The following PRKN variants were observed in gnomAD, a reference collection of about 807,000 sequenced individuals.
The protein encoded by PRKN is parkin RBR E3 ubiquitin protein ligase.
Under a neutral mutation model 59.5 loss-of-function variants are expected in PRKN, and 56 were observed. The observed-to-expected ratio is 0.94, with a 90% confidence interval of 0.76 to 1.18. The LOEUF (loss-of-function observed/expected upper bound fraction) is 1.18, where lower values mean the gene tolerates loss of function less well. Among genes scored for constraint, PRKN ranks in the 50% most tolerant of loss-of-function variants. PRKN has a pLI of 0.00. For missense variants in PRKN, 657 were observed against 596.4 expected, an observed-to-expected ratio of 1.10 and a Z score of -1.06; for synonymous variants, 250 against 222.1, an observed-to-expected ratio of 1.13 and a Z score of -1.12.
chr6:161,968,300 A>T (rs747082664), intron 6 of PRKN, among the ~76,000 whole-genome samples: 12 of 151,426 alleles, frequency 7.9e-5, no homozygotes, highest in Admixed American at 5.3e-4. Flanking sequence ...CAGCCTCCCA[A>T]AGTGCTGGGA....
intron 1 of PRKN, among the ~76,000 whole-genome samples, chr6:162,719,811 T>C (rs1480843761): frequency 6.6e-6 from 1 of 151,762 alleles, no homozygotes; most frequent in Non-Finnish European, 1.5e-5. Context: ...GAATGAAATA[T>C]TAAATTCCAG....
chr6:161,972,153 A>G (rs889569857), intron 6 of PRKN, among the ~76,000 whole-genome samples: 3 of 151,914 alleles, frequency 2.0e-5, no homozygotes, highest in African/African-American at 7.3e-5. Flanking sequence ...GCATGCCTGT[A>G]ATCCCAGCTA....
intron 8 of PRKN, among the ~76,000 whole-genome samples, chr6:161,559,569 TC>T (rs778914614): frequency 6.6e-6 from 1 of 152,136 alleles, no homozygotes; most frequent in Non-Finnish European, 1.5e-5. Flanking sequence ...GGGGCACAGG[TC>T]ACTGCCACCA....
At chr6:161,801,182 C>T (rs1791061999) in intron 6 of PRKN, among the ~76,000 whole-genome samples, 2 of 152,192 alleles carry the variant, frequency 1.3e-5, no homozygotes, top group Admixed American at 1.3e-4. Flanking sequence ...TGCATAAGTT[C>T]CACCCACATT....
rs1790527537 is a variant in PRKN, at chr6:161,467,339, A to G, written c.1084-80462T>C. Among the ~76,000 whole-genome samples the G allele has an allele frequency of 6.6e-6, 1 of 152,188 alleles. No individual in the cohort carries two copies. The highest frequency in any genetic ancestry group is 2.4e-5 in the African/African-American group (1 of 41,444). ...TGTGCGGTGAATTTGATATAGACAC[A>G]TATAATACGAACACGATTCTAGCCC... On this transcript the variant is annotated intron_variant, in intron 9 of 11. Transcript: ENST00000366898. This position sits in a 1 kb window ranked among gnomAD's most constrained non-coding sequence, Gnocchi z 4.3.
chr6:162,044,287 C>T (rs1251253603), intron 5 of PRKN, among the ~76,000 whole-genome samples: 2 of 152,196 alleles, frequency 1.3e-5, no homozygotes, highest in Non-Finnish European at 2.9e-5. Flanking sequence ...TGAACTTCTA[C>T]AGGAACGAAC....
In PRKN at chr6:161,608,689, C is replaced by T. The variant is rs897238887; in HGVS notation, c.872-39273G>A. Among the ~76,000 whole-genome samples, 6 of 151,782 alleles carry T rather than the reference C, an allele frequency of 4.0e-5. No homozygotes were observed. In the East Asian group the frequency reaches 5.8e-4, roughly 15 times the overall value. Reference sequence around the variant, plus strand: ...CTGGGATTACAGGTGTGTGCCACCACGCCCGGCTAATTTTTTTTTTTTTAA... The same window carrying T: ...CTGGGATTACAGGTGTGTGCCACCATGCCCGGCTAATTTTTTTTTTTTTAA... On this transcript the variant is annotated intron_variant, in intron 7 of 11. Transcript: ENST00000366898.
At chr6:161,854,806 C>T (rs181999062) in intron 6 of PRKN, among the ~76,000 whole-genome samples, 2 of 151,982 alleles carry the variant, frequency 1.3e-5, no homozygotes, top group East Asian at 1.9e-4. Context: ...GGTTCTCGGC[C>T]GGGCGCGGTG....
intron 4 of PRKN, among the ~76,000 whole-genome samples, chr6:162,136,263 A>T (rs1463950403): frequency 1.3e-5 from 2 of 152,004 alleles, no homozygotes; most frequent in Non-Finnish European, 2.9e-5. Context: ...ATCCAGGAAA[A>T]ACTTCTTCCC....
In PRKN at chr6:161,405,663, A is replaced by C. The variant is rs1440150192; in HGVS notation, c.1084-18786T>G. Among the ~76,000 whole-genome samples, 1 of 151,860 alleles carries C rather than the reference A, an allele frequency of 6.6e-6. No individual in the cohort carries two copies. Among genetic ancestry groups the C allele is most frequent in the Non-Finnish European group, 1.5e-5 (1 of 67,978 alleles). On this transcript the variant is annotated intron_variant, in intron 9 of 11. Transcript: ENST00000366898. The surrounding 1 kb of genome is among the most constrained non-coding windows in gnomAD (Gnocchi z 5.1). ...ATAAATAAATAAATTTGGGTCCACC[A>C]TAATCAGCATTTTGGGCCAGCTTCC...
chr6:162,296,413 T>C (rs901909629), intron 2 of PRKN, among the ~76,000 whole-genome samples: 1 of 152,028 alleles, frequency 6.6e-6, no homozygotes, highest in Non-Finnish European at 1.5e-5. Flanking sequence ...CTCATATCAC[T>C]CATCTCCTTT....
At chr6:162,480,487 C>T (rs1792251798) in intron 1 of PRKN, among the ~76,000 whole-genome samples, 1 of 149,218 alleles carries the variant, frequency 6.7e-6, no homozygotes, top group African/African-American at 2.5e-5. Context: ...GAAAAACTTA[C>T]ATGGGAAAAA....
chr6:161,883,029 C>CA lies in PRKN; in HGVS notation c.734+90272dup, dbSNP rs1295265349. ...CAAAGAAAACAAAAAACAACAACAA[C>CA]AACAAAAAAAAACCAAAAAAACTCC... On this transcript the variant is annotated intron_variant, in intron 6 of 11. Transcript: ENST00000366898. Among the ~76,000 whole-genome samples, 43 of 109,706 alleles carry CA rather than the reference C, an allele frequency of 3.9e-4. No individual in the cohort carries two copies. In the South Asian group the frequency reaches 4.0e-3, roughly 10 times the overall value. 72.0% of individuals were successfully genotyped at this position (109,706 alleles called of 152,430 possible).
At chr6:162,002,057 G>A (rs1204607560) in intron 5 of PRKN, among the ~76,000 whole-genome samples, 3 of 151,792 alleles carry the variant, frequency 2.0e-5, no homozygotes, top group Non-Finnish European at 4.4e-5. Flanking sequence ...ACATTGATTT[G>A]CTCATATTTT....
intron 4 of PRKN, among the ~76,000 whole-genome samples, chr6:162,140,324 C>T (rs1160997813): frequency 6.6e-6 from 1 of 152,082 alleles, no homozygotes; most frequent in Non-Finnish European, 1.5e-5. Context: ...GGCAGGTAAT[C>T]ATTTGCAAAC....
At chr6:161,854,497 G>A (rs535959772) in intron 6 of PRKN, among the ~76,000 whole-genome samples, 1 of 152,038 alleles carries the variant, frequency 6.6e-6, no homozygotes, top group African/African-American at 2.4e-5. Flanking sequence ...TTGAAAAGTA[G>A]GTAGGTGTAC....
rs545728202 is a variant in PRKN at position 162,153,005 on chromosome 6, T to C, written c.534+48126A>G. ...CAAAGTCGATGATGTTCAAAAATAG[T>C]AGATTAAACCAAATTAAACAGATAT... On this transcript the variant is annotated intron_variant, in intron 4 of 11. Transcript: ENST00000366898. 2.4e-4 allele frequency among the ~76,000 whole-genome samples: 37 copies of C among 152,330 alleles called. 2 individuals carry two copies. The South Asian group carries it at 7.5e-3, about 31-fold the overall frequency.
At chr6:162,167,487 A>T (rs1783039586) in intron 4 of PRKN, among the ~76,000 whole-genome samples, 1 of 152,202 alleles carries the variant, frequency 6.6e-6, no homozygotes, top group Non-Finnish European at 1.5e-5. Context: ...CTATCCAAGG[A>T]ATTGTAACAG....
chr6:161,870,134 T>G (rs955480241), intron 6 of PRKN, among the ~76,000 whole-genome samples: 4 of 152,114 alleles, frequency 2.6e-5, no homozygotes. Flanking sequence ...GCTTCCAAGA[T>G]CAGAGGAGAT....
Sources: allele counts gnomAD v4.1 joint callset (sites outside exome capture counted in the v4.1 genomes callset), GRCh38; gene constraint gnomAD v4.1.1; non-coding constraint Gnocchi (gnomAD v3.1); transcripts MANE v1.5; gene names NCBI Gene and HGNC (gene_info 2026-07-23, HGNC 2026-07-21).